The following RYR2 variants were observed in gnomAD, a reference collection of about 807,000 sequenced individuals.
RYR2 encodes cardiac muscle ryanodine receptor-calcium release channel.
RYR2 carries 227 observed loss-of-function variants against 601.1 expected under a neutral mutation model. That is an observed-to-expected ratio of 0.38 (90% CI 0.34 to 0.42). The LOEUF is 0.42. Among genes scored for constraint, RYR2 ranks in the 10% least tolerant of loss-of-function variants. The pLI, the probability that RYR2 is intolerant of heterozygous loss-of-function variation, is 1.00. For missense variants in RYR2, 4,646 were observed against 6,156.5 expected, an observed-to-expected ratio of 0.75 and a Z score of 8.21; for synonymous variants, 2,223 against 2,175.1, an observed-to-expected ratio of 1.02 and a Z score of -0.61.
intron 84 of RYR2, among the ~76,000 whole-genome samples, chr1:237,764,588 A>C (rs1693699536): frequency 6.6e-6 from 1 of 151,828 alleles, no homozygotes; most frequent in Non-Finnish European, 1.5e-5. Flanking sequence ...AGCTGGGATT[A>C]CAGGCCTGCC....
chr1:237,656,005 A>C (rs781607061), intron 53 of RYR2, 21 bp downstream of exon 53: 207 of 1,608,596 alleles, frequency 1.3e-4, no homozygotes, highest in Non-Finnish European at 1.7e-4. Context: ...TTTCTATTGC[A>C]GCAGATTTTT....
intron 56 of RYR2, 82 bp from the exon 57 acceptor site, chr1:237,666,430 G>C (rs1684332961): frequency 8.3e-7 from 1 of 1,198,342 alleles, no homozygotes; most frequent in Non-Finnish European, 1.2e-6. Flanking sequence ...TTGGAAATTT[G>C]TGCCATATTT....
intron 2 of RYR2, among the ~76,000 whole-genome samples, chr1:237,281,589 G>C (rs377636742): frequency 6.6e-6 from 1 of 152,208 alleles, no homozygotes; most frequent in Admixed American, 6.5e-5. Context: ...GCCAAAGGGG[G>C]CTGTGCTTAC....
chr1:237,413,480 A>G (rs1445955212), intron 10 of RYR2, among the ~76,000 whole-genome samples: 1 of 152,192 alleles, frequency 6.6e-6, no homozygotes, highest in Admixed American at 6.6e-5. Context: ...ACTTTATTGT[A>G]TAAATCCATA....
At chr1:237,594,898 T>TTTTTTTTG (rs1675670517) in intron 33 of RYR2, among the ~76,000 whole-genome samples, 2 of 20,670 alleles carry the variant, frequency 9.7e-5, no homozygotes, top group Non-Finnish European at 2.7e-4. Context: ...TTTTTTTTTT[T>TTTTTTTTG]TTTTTTTTTT....
chr1:237,764,219 G>T (rs990332792), intron 84 of RYR2, among the ~76,000 whole-genome samples: 1 of 152,122 alleles, frequency 6.6e-6, no homozygotes, highest in African/African-American at 2.4e-5. Flanking sequence ...TAAGGAAACA[G>T]AGGAACAGAA....
chr1:237,308,232 T>C (rs1694093236), intron 2 of RYR2, among the ~76,000 whole-genome samples: 1 of 152,230 alleles, frequency 6.6e-6, no homozygotes, highest in Admixed American at 6.5e-5. Flanking sequence ...TCTTGCAAAC[T>C]ATAGTAATTA....
At chr1:237,455,876 A>T (rs747854171) in intron 15 of RYR2, among the ~76,000 whole-genome samples, 1 of 152,214 alleles carries the variant, frequency 6.6e-6, no homozygotes, top group Non-Finnish European at 1.5e-5. Context: ...CATTTATTTA[A>T]TATCTGGAAG....
chr1:237,053,025 T>A (rs1165246192), intron 1 of RYR2, among the ~76,000 whole-genome samples: 1 of 152,066 alleles, frequency 6.6e-6, no homozygotes, highest in Non-Finnish European at 1.5e-5. Context: ...ATTTTTGTAT[T>A]TTTAGTAGAG....
At chr1:237,488,659 T>C (rs1055055655) in intron 17 of RYR2, among the ~76,000 whole-genome samples, 34 of 152,310 alleles carry the variant, frequency 2.2e-4, no homozygotes, top group African/African-American at 7.5e-4. Flanking sequence ...GATTTGCTCC[T>C]GTCCCACCCT....
intron 4 of RYR2, among the ~76,000 whole-genome samples, chr1:237,362,531 TTC>T (rs1699864171): frequency 1.3e-5 from 2 of 152,214 alleles, no homozygotes; most frequent in African/African-American, 2.4e-5. Context: ...GTTATTCTTT[TTC>T]TGTTTGTTGC....
chr1:237,479,604 T>G (rs6429021), intron 17 of RYR2, among the ~76,000 whole-genome samples: 20,628 of 152,154 alleles, frequency 0.14, 1,742 homozygotes, highest in African/African-American at 0.24. Flanking sequence ...CTTAAAAAAT[T>G]CTCAGGTGTT....
intron 1 of RYR2, among the ~76,000 whole-genome samples, chr1:237,065,705 C>T (rs1031042433): frequency 3.3e-5 from 5 of 152,112 alleles, no homozygotes; most frequent in Non-Finnish European, 5.9e-5. Flanking sequence ...TGTATTAGTC[C>T]GTTCTTGCAC....
In RYR2 at chr1:237,456,902, C is replaced by A. The variant is rs1658900747; in HGVS notation, c.1612+167C>A. ...GACCAGCCTGGACAACATAGCAAGACCCCATCTCTACAAAAAATAAAATAA... is the reference window on the plus strand; with the variant it reads ...GACCAGCCTGGACAACATAGCAAGAACCCATCTCTACAAAAAATAAAATAA... On this transcript the variant is annotated intron_variant, in intron 16 of 104. Transcript: ENST00000366574. Among the ~76,000 whole-genome samples the A allele has an allele frequency of 2.0e-5, 3 of 152,062 alleles. No homozygotes were observed. The South Asian group carries it at 6.2e-4, about 32-fold the overall frequency.
At chr1:237,282,341 C>T (rs559946154) in intron 2 of RYR2, among the ~76,000 whole-genome samples, 5 of 152,128 alleles carry the variant, frequency 3.3e-5, no homozygotes, top group African/African-American at 7.2e-5. Flanking sequence ...CCTGTACTTA[C>T]GGGCACTGAA....
chr1:237,540,559 T>G (rs1197488343), intron 25 of RYR2, among the ~76,000 whole-genome samples: 1 of 151,880 alleles, frequency 6.6e-6, no homozygotes, highest in African/African-American at 2.4e-5. Flanking sequence ...ATACAAAAAT[T>G]AGCCACGCAT....
chr1:237,548,271 T>C (rs527444176), intron 25 of RYR2, among the ~76,000 whole-genome samples, 160 bp from the exon 26 acceptor site: 1 of 152,242 alleles, frequency 6.6e-6, no homozygotes, highest in East Asian at 1.9e-4. Context: ...AGTTATTAGC[T>C]AAAGTGAAAG....
chr1:237,723,869 CCTT>C (rs1689961643), intron 74 of RYR2, among the ~76,000 whole-genome samples: 1 of 152,030 alleles, frequency 6.6e-6, no homozygotes, highest in Admixed American at 6.5e-5. Flanking sequence ...ATATTCATTA[CCTT>C]TGCACAAGAA....
At chr1:237,248,814 T>G (rs111570004) in intron 1 of RYR2, among the ~76,000 whole-genome samples, 12,685 of 149,392 alleles carry the variant, frequency 0.085, 894 homozygotes, top group African/African-American at 0.2. Flanking sequence ...CAGGCTAGAG[T>G]GCAATGGCGT....
Sources: gnomAD v4.1 joint callset for allele counts (sites outside exome capture counted in the v4.1 genomes callset) on GRCh38, gnomAD v4.1.1 for gene constraint, MANE v1.5 for transcripts, NCBI Gene and HGNC (gene_info 2026-07-23, HGNC 2026-07-21) for gene names.